The following CYP2C18 variants were observed in gnomAD, a reference collection of about 807,000 sequenced individuals.
CYP2C18 encodes cytochrome P450 2C18.
In CYP2C18, 38 loss-of-function variants were observed where a neutral mutation model predicts 41.3. The ratio of observed to expected loss-of-function variants is 0.92; its 90% CI spans 0.71 to 1.21. The LOEUF (loss-of-function observed/expected upper bound fraction) is 1.21. Among genes scored for constraint, CYP2C18 ranks in the 50% most tolerant of loss-of-function variants. CYP2C18 has a pLI of 0.00. For missense variants in CYP2C18, 635 were observed against 591.4 expected (o/e 1.07, Z -0.77); for synonymous variants, 236 against 210.0 (o/e 1.12, Z -1.07).
In CYP2C18 at chr10:94,684,513, G is replaced by A. The variant is rs577946945; in HGVS notation, c.168+526G>A. Among the ~76,000 whole-genome samples, 20 of 152,226 alleles carry A rather than the reference G, an allele frequency of 1.3e-4. No individual in the cohort carries two copies. The East Asian group carries it at 2.5e-3, about 19-fold the overall frequency. On this transcript the variant is annotated intron_variant, in intron 1 of 8. Transcript: ENST00000285979. ...GATGTTCTGTAGATTCATCCATGCC[G>A]TCATAAATAAGAATATTTTTTCCTC...
chr10:94,732,349 G>A lies in CYP2C18; in HGVS notation c.1150-948G>A, dbSNP rs558830423. On this transcript the variant is annotated intron_variant, in intron 7 of 8. Coordinates refer to ENST00000285979, the MANE Select transcript of CYP2C18 (RefSeq NM_000772.3). ...CATGATGGCAAGGCTGTGGAGAAAAGGGAACACTTATAGGCTCTTGGTGGG... is the reference window on the plus strand; with the variant it reads ...CATGATGGCAAGGCTGTGGAGAAAAAGGAACACTTATAGGCTCTTGGTGGG... Among the ~76,000 whole-genome samples, 45 of 152,188 alleles carry A rather than the reference G, an allele frequency of 3.0e-4. 1 individual carries two copies. Among genetic ancestry groups the A allele is most frequent in the Non-Finnish European group, 6.0e-4 (41 of 68,002 alleles).
At chr10:94,724,322 C>G (rs770558307) in intron 6 of CYP2C18, 24 bp from the exon 7 acceptor site, 22 of 1,611,694 alleles carry the variant, frequency 1.4e-5, no homozygotes, top group Non-Finnish European at 1.8e-5. Flanking sequence ...CCTTTTCCAT[C>G]ATTTCTTACT....
At chr10:94,693,753 T>A (rs1456695289) in intron 3 of CYP2C18, among the ~76,000 whole-genome samples, 1 of 152,310 alleles carries the variant, frequency 6.6e-6, no homozygotes, top group Non-Finnish European at 1.5e-5. Flanking sequence ...ATTATTTAAT[T>A]CCCCATCATT....
chr10:94,693,387 A>G (rs1285137407), intron 3 of CYP2C18, among the ~76,000 whole-genome samples: 1 of 152,072 alleles, frequency 6.6e-6, no homozygotes, highest in African/African-American at 2.4e-5. Context: ...TTCTGCCGTG[A>G]TTGCATCACG....
At chr10:94,729,278 G>A (rs776730947) in intron 7 of CYP2C18, among the ~76,000 whole-genome samples, 4 of 152,126 alleles carry the variant, frequency 2.6e-5, no homozygotes, top group Admixed American at 6.6e-5. Context: ...ACACCAGTGT[G>A]CAAGTTGATG....
Position 94,721,860 on chromosome 10 carries a change from T to C in CYP2C18, c.961+1323T>C, listed in dbSNP as rs181024884. On this transcript the variant is annotated intron_variant, in intron 6 of 8. Coordinates refer to ENST00000285979, the MANE Select transcript of CYP2C18 (RefSeq NM_000772.3). ...GTGTGACACACCATAGAATACTAGA[T>C]GCAGATTTTTAAATCCCACACATAA... 5.6e-4 allele frequency among the ~76,000 whole-genome samples: 85 copies of C among 152,144 alleles called. 1 individual carries two copies. Among genetic ancestry groups the C allele is most frequent in the African/African-American group, 1.9e-3 (80 of 41,518 alleles).
intron 5 of CYP2C18, among the ~76,000 whole-genome samples, chr10:94,713,001 A>T (rs1009359972): frequency 6.6e-6 from 1 of 152,074 alleles, no homozygotes; most frequent in Non-Finnish European, 1.5e-5. Context: ...AGAAATATTC[A>T]TTCAGGCTAT....
At chr10:94,733,141 C>T (rs1847862518) in intron 7 of CYP2C18, among the ~76,000 whole-genome samples, 156 bp from the exon 8 acceptor site, 3 of 152,124 alleles carry the variant, frequency 2.0e-5, no homozygotes, top group Non-Finnish European at 4.4e-5. Context: ...TAAAGTCATA[C>T]TGCTTCTTAC....
At chr10:94,712,008 ATTTTT>A (rs35672164) in intron 5 of CYP2C18, among the ~76,000 whole-genome samples, 7 of 97,874 alleles carry the variant, frequency 7.2e-5, no homozygotes, top group South Asian at 4.2e-4. Flanking sequence ...TGCCCAACTA[ATTTTT>A]TTTTTTTTTT....
intron 5 of CYP2C18, among the ~76,000 whole-genome samples, chr10:94,717,014 T>C (rs925140933): frequency 3.9e-5 from 6 of 152,192 alleles, no homozygotes; most frequent in Non-Finnish European, 5.9e-5. Flanking sequence ...CCCTGCCTTT[T>C]TTTGTTTTCC....
At chr10:94,728,659 A>G in intron 7 of CYP2C18, 1 of 922,454 alleles carries the variant, frequency 1.1e-6, no homozygotes, top group Non-Finnish European at 1.3e-6. Flanking sequence ...GTACTTGTTG[A>G]TATCATCTCA....
chr10:94,729,657 G>A (rs779702958), intron 7 of CYP2C18, among the ~76,000 whole-genome samples: 49 of 152,092 alleles, frequency 3.2e-4, no homozygotes, highest in Middle Eastern at 6.8e-3. Context: ...ACAATCTTGG[G>A]ACATTCTTCT....
intron 1 of CYP2C18, among the ~76,000 whole-genome samples, chr10:94,685,790 C>A (rs1445962382): frequency 6.6e-6 from 1 of 152,146 alleles, no homozygotes; most frequent in Non-Finnish European, 1.5e-5. Flanking sequence ...GTTTTGCTTA[C>A]TATAGCTTTG....
chr10:94,724,230 C>A, intron 6 of CYP2C18, 116 bp from the exon 7 acceptor site: 1 of 1,006,696 alleles, frequency 9.9e-7, no homozygotes, highest in South Asian at 1.4e-5. Context: ...TACTTTCAGT[C>A]CTATAAGTTT....
At position 94,693,023 on chromosome 10, in the gene CYP2C18, G is replaced by C. The variant is rs565907550; in HGVS notation, c.482-1894G>C. On this transcript the variant is annotated intron_variant, in intron 3 of 8. Transcript: ENST00000285979. ...CACCAGGGCCTGTTGTGGGGTGGGGGAAGGGGGGAGGGATAGCATTAGGAG... is the reference window on the plus strand; with the variant it reads ...CACCAGGGCCTGTTGTGGGGTGGGGCAAGGGGGGAGGGATAGCATTAGGAG... Among the ~76,000 whole-genome samples, 13 of 151,780 alleles carry C rather than the reference G, an allele frequency of 8.6e-5. No homozygotes were observed. The East Asian group carries it at 2.5e-3, about 30-fold the overall frequency.
At chr10:94,705,578 T>A (rs1007700926) in intron 4 of CYP2C18, among the ~76,000 whole-genome samples, 2 of 152,154 alleles carry the variant, frequency 1.3e-5, no homozygotes, top group African/African-American at 4.8e-5. Context: ...TTTATTCAGT[T>A]CTCCCTTGTT....
rs547110796 is a variant in CYP2C18, at chr10:94,713,255, A to T, written c.819+6295A>T. 5.3e-5 allele frequency among the ~76,000 whole-genome samples: 8 copies of T among 152,178 alleles called. No homozygotes were observed. In the East Asian group the frequency reaches 1.5e-3, roughly 29 times the overall value. ...GTGCAGGTTTGTTACATATGTATAC[A>T]TGTGCCATGTAGGTGTGCTGCACCC... is the stretch of plus-strand genomic sequence containing the variant. On this transcript the variant is annotated intron_variant, in intron 5 of 8. Transcript: ENST00000285979.
chr10:94,698,371 C>A (rs1326848301), intron 4 of CYP2C18, among the ~76,000 whole-genome samples: 1 of 152,178 alleles, frequency 6.6e-6, no homozygotes, highest in Non-Finnish European at 1.5e-5. Flanking sequence ...CAAACTGCTC[C>A]TGAATGACTA....
chr10:94,708,551 T>C (rs537259820), intron 5 of CYP2C18, among the ~76,000 whole-genome samples: 1 of 152,326 alleles, frequency 6.6e-6, no homozygotes, highest in African/African-American at 2.4e-5. Context: ...CTATAATATT[T>C]AGAATCTAGC....
Sources: gnomAD v4.1 joint callset for allele counts (sites outside exome capture counted in the v4.1 genomes callset) on GRCh38, gnomAD v4.1.1 for gene constraint, MANE v1.5 for transcripts, NCBI Gene and HGNC (gene_info 2026-07-23, HGNC 2026-07-21) for gene names.